ZNF827: variants seen among roughly 807,000 people sequenced by gnomAD.
ZNF827 encodes the protein zinc finger protein 827.
In ZNF827, 13 loss-of-function variants were observed where a neutral mutation model predicts 102.4. That is an observed-to-expected ratio of 0.13 (90% CI 0.08 to 0.20). The LOEUF (loss-of-function observed/expected upper bound fraction) is 0.20, where lower values mean the gene tolerates loss of function less well. Among genes scored for constraint, ZNF827 ranks in the 10% least tolerant of loss-of-function variants. The pLI is 1.00. For missense variants in ZNF827, 1,103 were observed against 1,344.4 expected (o/e 0.82, Z 2.81); for synonymous variants, 523 against 536.2 (o/e 0.98, Z 0.34).
At chr4:145,782,612 A>G (rs970096460) in intron 8 of ZNF827, among the ~76,000 whole-genome samples, 1 of 152,182 alleles carries the variant, frequency 6.6e-6, no homozygotes, top group Non-Finnish European at 1.5e-5. Context: ...GTTCTCTGCT[A>G]TCAGACCCCT....
chr4:145,844,991 G>A (rs2126634382), intron 7 of ZNF827, among the ~76,000 whole-genome samples: 1 of 152,264 alleles, frequency 6.6e-6, no homozygotes, highest in Non-Finnish European at 1.5e-5. Context: ...TGTTTGCTCA[G>A]GAAAGCAAAG....
At chr4:145,776,332 G>A (rs1456050774) in intron 9 of ZNF827, among the ~76,000 whole-genome samples, 13 of 151,976 alleles carry the variant, frequency 8.6e-5, no homozygotes, top group African/African-American at 1.2e-4. Flanking sequence ...GTGGTGGCAC[G>A]TGCCTGTAGT....
rs566152278 is a variant in ZNF827, at chr4:145,848,022, A to T, written c.2221+1300T>A. 2.2e-4 allele frequency among the ~76,000 whole-genome samples: 33 copies of T among 152,278 alleles called. No homozygotes were observed. In the South Asian group the frequency reaches 6.8e-3, roughly 32 times the overall value. On this transcript the variant is annotated intron_variant, in intron 6 of 14. Coordinates refer to ENST00000508784, the MANE Select transcript of ZNF827 (RefSeq NM_001306215.2). ...AGGCAGTGACAGCGCCAGGGTGAGA[A>T]CTCTCAGACCCAAACTTTTTAGCTG...
chr4:145,884,478 G>C (rs1188581165), intron 4 of ZNF827, among the ~76,000 whole-genome samples: 1 of 152,156 alleles, frequency 6.6e-6, no homozygotes, highest in African/African-American at 2.4e-5. Context: ...AGCTGACATG[G>C]CATTTGGAAA....
At chr4:145,862,311 G>C (rs1272182029) in intron 5 of ZNF827, among the ~76,000 whole-genome samples, 1 of 152,192 alleles carries the variant, frequency 6.6e-6, no homozygotes, top group Non-Finnish European at 1.5e-5. Context: ...CAATACTGCT[G>C]TCTAGCCTCT....
At chr4:145,927,149 A>G (rs1362173459) in intron 1 of ZNF827, among the ~76,000 whole-genome samples, 1 of 152,078 alleles carries the variant, frequency 6.6e-6, no homozygotes, top group African/African-American at 2.4e-5. Flanking sequence ...TGCTCTAGAG[A>G]GGACTGTTGG....
chr4:145,840,975 C>G (rs1745360142), intron 7 of ZNF827, among the ~76,000 whole-genome samples: 1 of 152,232 alleles, frequency 6.6e-6, no homozygotes, highest in Non-Finnish European at 1.5e-5. Context: ...CGATATGAGT[C>G]TATCTTTCTC....
At chr4:145,826,908 G>A (rs987401641) in intron 7 of ZNF827, among the ~76,000 whole-genome samples, 10 of 151,762 alleles carry the variant, frequency 6.6e-5, no homozygotes, top group East Asian at 1.9e-4. Flanking sequence ...CACCACGCCC[G>A]ACTAATTTTT....
intron 1 of ZNF827, 34 bp from the exon 2 acceptor site, chr4:145,903,249 AAAGTGAACAAT>A: frequency 6.4e-7 from 1 of 1,561,778 alleles, no homozygotes; most frequent in Non-Finnish European, 8.7e-7. Context: ...GTTTACTCCC[AAAGTGAACAAT>A]AAGTAAGTCT....
Position 145,866,393 on chromosome 4 carries a change from T to C in ZNF827, c.1981+3852A>G, listed in dbSNP as rs566670190. Among the ~76,000 whole-genome samples, 7 of 152,340 alleles carry C rather than the reference T, an allele frequency of 4.6e-5. No individual in the cohort carries two copies. The South Asian group carries it at 1.5e-3, about 32-fold the overall frequency. On this transcript the variant is annotated intron_variant, in intron 5 of 14. Transcript: ENST00000508784. ...CTGAAGCTCCATCTCATTTAGGTGA[T>C]ACCCTAAGCCCATCACTATGTTATT...
Position 145,790,731 on chromosome 4 carries a change from C to T in ZNF827, c.2384-11220G>A, listed in dbSNP as rs115120939. On this transcript the variant is annotated intron_variant, in intron 8 of 14. Coordinates refer to ENST00000508784, the MANE Select transcript of ZNF827 (RefSeq NM_001306215.2). ...TAAATTTCCTTAAAGCCCTTATCAG[C>T]TCCCAGACACTGCAATATTCTTGTG... is the stretch of plus-strand genomic sequence containing the variant. 7.0e-4 allele frequency among the ~76,000 whole-genome samples: 107 copies of T among 152,338 alleles called. 2 individuals are homozygous for T. The highest frequency in any genetic ancestry group is 2.5e-3 in the African/African-American group (102 of 41,592).
chr4:145,840,665 A>C (rs1347046993), intron 7 of ZNF827, among the ~76,000 whole-genome samples: 1 of 152,218 alleles, frequency 6.6e-6, no homozygotes, highest in African/African-American at 2.4e-5. Context: ...TAAAAGTAAT[A>C]TTTTACTTTT....
chr4:145,915,236 T>C (rs1334958951), intron 1 of ZNF827, among the ~76,000 whole-genome samples: 3 of 152,102 alleles, frequency 2.0e-5, no homozygotes, highest in South Asian at 4.2e-4. Flanking sequence ...TCACCTGAGG[T>C]TGGGCGTTCA....
intron 8 of ZNF827, among the ~76,000 whole-genome samples, chr4:145,812,497 ATATTTATTTATTTATTTATT>A (rs71592421): frequency 1.5e-3 from 219 of 143,902 alleles, no homozygotes; most frequent in Non-Finnish European, 2.1e-3. Flanking sequence ...AAACCATTTT[ATATTTATTTATTTATTTATT>A]TATTTATTTA....
chr4:145,937,407 C>A (rs1239740147), intron 1 of ZNF827, among the ~76,000 whole-genome samples: 2 of 151,968 alleles, frequency 1.3e-5, no homozygotes, highest in Non-Finnish European at 2.9e-5. Context: ...CGACTGACCC[C>A]GCATTTTATT....
chr4:145,934,157 CT>C lies in ZNF827; in HGVS notation c.43+4207del, dbSNP rs1753995139. ...ACTGCTCTAGGCCAAGAAATAAAGG[CT>C]GTATCTCGTGTAATAATTTTTAAAA... On this transcript the variant is annotated intron_variant, in intron 1 of 14. Coordinates refer to ENST00000508784, the MANE Select transcript of ZNF827 (RefSeq NM_001306215.2). 3.9e-5 allele frequency among the ~76,000 whole-genome samples: 6 copies of C among 152,256 alleles called. No homozygotes were observed. In the South Asian group the frequency reaches 1.2e-3, roughly 32 times the overall value.
chr4:145,881,208 T>C (rs1457468041), intron 4 of ZNF827, among the ~76,000 whole-genome samples: 3 of 152,250 alleles, frequency 2.0e-5, no homozygotes, highest in Non-Finnish European at 4.4e-5. Flanking sequence ...TGCTGTTTAA[T>C]GGATGAGCTA....
At chr4:145,906,718 C>CA (rs1490477772) in intron 1 of ZNF827, among the ~76,000 whole-genome samples, 1 of 152,182 alleles carries the variant, frequency 6.6e-6, no homozygotes, top group Non-Finnish European at 1.5e-5. Context: ...CCTAACTTGT[C>CA]AAAACACAAA....
chr4:145,936,217 G>A (rs757545265), intron 1 of ZNF827, among the ~76,000 whole-genome samples: 3 of 150,892 alleles, frequency 2.0e-5, no homozygotes, highest in Non-Finnish European at 4.4e-5. Flanking sequence ...GGGGCAGTCC[G>A]GCCATGTGCA....
Sources: allele counts gnomAD v4.1 joint callset (sites outside exome capture counted in the v4.1 genomes callset), GRCh38; gene constraint gnomAD v4.1.1; transcripts MANE v1.5; gene names NCBI Gene and HGNC (gene_info 2026-07-23, HGNC 2026-07-21).